LPP: variants seen among roughly 807,000 people sequenced by gnomAD.
The protein encoded by LPP is lipoma-preferred partner.
Under a neutral mutation model 60.4 loss-of-function variants are expected in LPP, and 38 were observed. The ratio of observed to expected loss-of-function variants is 0.63; its 90% CI spans 0.49 to 0.83. The LOEUF is 0.83. Among genes scored for constraint, LPP ranks in the 40% least tolerant of loss-of-function variants. LPP has a pLI of 0.00. For missense variants in LPP, 902 were observed against 783.6 expected, an observed-to-expected ratio of 1.15 and a Z score of -1.80; for synonymous variants, 328 against 290.8, an observed-to-expected ratio of 1.13 and a Z score of -1.30.
chr3:188,887,263 T>A lies in LPP; in HGVS notation c.*12784T>A. On this transcript the variant is annotated 3_prime_UTR_variant, in exon 12 of 12. Transcript: ENST00000617246. ...CTTTTCTTAGATACATTTCTTCCTTTTTTATTCTTTCTTGGGAGACGTTAA... is the reference window on the plus strand; with the variant it reads ...CTTTTCTTAGATACATTTCTTCCTTATTTATTCTTTCTTGGGAGACGTTAA... 1 of 218,772 alleles carries A rather than the reference T, an allele frequency of 4.6e-6. No homozygotes were observed. 13.6% of individuals were successfully genotyped at this position (218,772 alleles called of 1,614,324 possible).
At chr3:188,378,095 G>C (rs1220902631) in intron 3 of LPP, among the ~76,000 whole-genome samples, 1 of 152,206 alleles carries the variant, frequency 6.6e-6, no homozygotes, top group East Asian at 1.9e-4. Flanking sequence ...ACCCGGCCGT[G>C]TGAGGTGTCC....
chr3:188,264,842 A>G (rs925667725), intron 2 of LPP, among the ~76,000 whole-genome samples: 4 of 151,578 alleles, frequency 2.6e-5, no homozygotes, highest in African/African-American at 7.3e-5. Flanking sequence ...TTTATAACAT[A>G]TGAATATTAT....
intron 3 of LPP, among the ~76,000 whole-genome samples, chr3:188,389,457 C>T (rs1051539321): frequency 6.6e-6 from 1 of 152,112 alleles, no homozygotes; most frequent in African/African-American, 2.4e-5. Flanking sequence ...GCTTGACCTC[C>T]TGCTTAGTTT....
At chr3:188,169,941 A>G (rs201318483) in intron 1 of LPP, among the ~76,000 whole-genome samples, 2 of 152,216 alleles carry the variant, frequency 1.3e-5, no homozygotes, top group East Asian at 3.8e-4. Flanking sequence ...TGTAACCAGG[A>G]CAGCCTTTCC....
intron 2 of LPP, among the ~76,000 whole-genome samples, chr3:188,336,314 G>A (rs1761612116): frequency 6.6e-6 from 1 of 152,128 alleles, no homozygotes; most frequent in Non-Finnish European, 1.5e-5. Flanking sequence ...CACTCTCTGT[G>A]CTAGGGTTGG....
Position 188,523,214 on chromosome 3 carries a change from C to A in LPP, c.307-1451C>A, listed in dbSNP as rs116124724. ...GAGCCACCGCGCCCGTCCTGAAATC[C>A]ATGTTTAAAGAGGGCTCACAAACAA... is the stretch of plus-strand genomic sequence containing the variant. On this transcript the variant is annotated intron_variant, in intron 5 of 11. Coordinates refer to ENST00000617246, the MANE Select transcript of LPP (RefSeq NM_001375462.1). Among the ~76,000 whole-genome samples, 374 of 152,108 alleles carry A rather than the reference C, an allele frequency of 2.5e-3. 4 individuals are homozygous for A. Among genetic ancestry groups the A allele is most frequent in the African/African-American group, 8.6e-3 (358 of 41,504 alleles).
intron 4 of LPP, among the ~76,000 whole-genome samples, chr3:188,433,631 GAAA>G: frequency 2.8e-5 from 4 of 140,732 alleles, no homozygotes. Flanking sequence ...AGAGAGAGGA[GAAA>G]GGAGAGAGAG....
At chr3:188,363,803 G>T (rs2150978812) in intron 3 of LPP, among the ~76,000 whole-genome samples, 1 of 151,272 alleles carries the variant, frequency 6.6e-6, no homozygotes, top group South Asian at 2.1e-4. Context: ...TACTAGGGAG[G>T]CTGAGGCAGA....
At chr3:188,162,911 G>C (rs1718749276) in intron 1 of LPP, among the ~76,000 whole-genome samples, 1 of 152,136 alleles carries the variant, frequency 6.6e-6, no homozygotes, top group African/African-American at 2.4e-5. Context: ...TGCTCCCTTG[G>C]TGGTCACAGG....
At chr3:188,862,177 T>C (rs1448546893) in intron 9 of LPP, among the ~76,000 whole-genome samples, 1 of 152,196 alleles carries the variant, frequency 6.6e-6, no homozygotes, top group Non-Finnish European at 1.5e-5. Context: ...CAGGTGTTGA[T>C]TGCAAGGACA....
Position 188,877,549 on chromosome 3 carries a change from A to G in LPP, c.*3070A>G. On this transcript the variant is annotated 3_prime_UTR_variant, in exon 12 of 12. Coordinates refer to ENST00000617246, the MANE Select transcript of LPP (RefSeq NM_001375462.1). ...CTCACTGGCCAAGAAAATTGCCTTT[A>G]AAACTCGAAAATAAGGCCAGGTGTG... 1.1e-5 allele frequency: 2 copies of G among 187,096 alleles called. No individual in the cohort carries two copies. The highest frequency in any genetic ancestry group is 2.3e-5 in the Non-Finnish European group (2 of 88,486). The allele number at this position is 187,096 out of a possible 1,614,324, so 11.6% of individuals were successfully genotyped here.
At chr3:188,502,198 T>C (rs1158977899) in intron 5 of LPP, among the ~76,000 whole-genome samples, 1 of 152,228 alleles carries the variant, frequency 6.6e-6, no homozygotes, top group Non-Finnish European at 1.5e-5. Context: ...TATCCACTGT[T>C]AAAAGTTGGA....
At position 188,760,435 on chromosome 3, in the gene LPP, T is replaced by TGC. The variant is rs1553836310; in HGVS notation, c.1410+155_1410+156dup. ...GTGTGTGTGTGTGTGTGTGTGTGTGTGCGTGCGCGCATGTAAATTAGCATA... is the reference window on the plus strand; with the variant it reads ...GTGTGTGTGTGTGTGTGTGTGTGTGTGCGCGTGCGCGCATGTAAATTAGCATA... On this transcript the variant is annotated intron_variant, in intron 9 of 11. Coordinates refer to ENST00000617246, the MANE Select transcript of LPP (RefSeq NM_001375462.1). Among the ~76,000 whole-genome samples the TGC allele has an allele frequency of 4.0e-5, 6 of 151,196 alleles. No individual in the cohort carries two copies. In the South Asian group the frequency reaches 1.0e-3, roughly 26 times the overall value.
intron 5 of LPP, among the ~76,000 whole-genome samples, chr3:188,496,591 C>A (rs1339269385): frequency 2.6e-5 from 4 of 152,206 alleles, no homozygotes; most frequent in African/African-American, 9.6e-5. Context: ...CATTAACTGT[C>A]CCAGGCAGGG....
intron 6 of LPP, among the ~76,000 whole-genome samples, chr3:188,539,513 T>C (rs185218496): frequency 1.3e-3 from 191 of 152,252 alleles, no homozygotes; most frequent in African/African-American, 4.4e-3. Flanking sequence ...TCAATATTTT[T>C]CTAAAAGTAA....
chr3:188,523,556 G>C (rs1374119086), intron 5 of LPP, among the ~76,000 whole-genome samples: 1 of 152,126 alleles, frequency 6.6e-6, no homozygotes, highest in Non-Finnish European at 1.5e-5. Context: ...TGACTTCAAG[G>C]GTTATAAGAT....
chr3:188,417,714 A>G (rs1786685891), intron 4 of LPP, among the ~76,000 whole-genome samples: 2 of 152,198 alleles, frequency 1.3e-5, no homozygotes, highest in Non-Finnish European at 2.9e-5. Flanking sequence ...GGTACTGGCC[A>G]GAAGTACTAT....
chr3:188,693,261 G>T (rs1398366316), intron 7 of LPP, among the ~76,000 whole-genome samples: 1 of 152,076 alleles, frequency 6.6e-6, no homozygotes, highest in Non-Finnish European at 1.5e-5. Context: ...TGAGAACTTG[G>T]GCAGGTAATT....
At chr3:188,559,608 C>T (rs772608849) in intron 6 of LPP, among the ~76,000 whole-genome samples, 1 of 152,036 alleles carries the variant, frequency 6.6e-6, no homozygotes. Flanking sequence ...TCAATAGTTT[C>T]ACTCAAGGCA....
Sources: allele counts gnomAD v4.1 joint callset (sites outside exome capture counted in the v4.1 genomes callset), GRCh38; gene constraint gnomAD v4.1.1; transcripts MANE v1.5; gene names NCBI Gene and HGNC (gene_info 2026-07-23, HGNC 2026-07-21).